Variants in ARID5B observed in about 807,000 individuals in gnomAD.
ARID5B encodes the protein AT-rich interactive domain-containing protein 5B.
A neutral mutation model predicts 97.2 loss-of-function variants in ARID5B; 13 were observed. The observed-to-expected ratio is 0.13, with a 90% CI of 0.09 to 0.21. The LOEUF (loss-of-function observed/expected upper bound fraction) is 0.21. ARID5B is among the 10% of genes least tolerant of loss of function. The probability of loss-of-function intolerance (pLI) is 1.00; values close to 1 mark genes in which losing one functional copy is unlikely to be tolerated. For synonymous variants in ARID5B, 556 were observed against 570.3 expected (o/e 0.97, Z 0.36); for missense variants, 1,210 against 1,465.3 (o/e 0.83, Z 2.84).
intron 8 of ARID5B, among the ~76,000 whole-genome samples, chr10:62,082,047 TCA>T (rs933319813): frequency 2.0e-5 from 3 of 152,106 alleles, no homozygotes; most frequent in African/African-American, 7.2e-5. Context: ...ATCTTGCTTT[TCA>T]CAGTGACTGA....
rs369700668 is a variant in ARID5B at position 62,029,258 on chromosome 10, G to A, written c.734-21630G>A. Among the ~76,000 whole-genome samples, 9 of 152,238 alleles carry A rather than the reference G, an allele frequency of 5.9e-5. No individual in the cohort carries two copies. In the South Asian group the frequency reaches 1.5e-3, roughly 25 times the overall value. On this transcript the variant is annotated intron_variant, in intron 4 of 9. Transcript: ENST00000279873. ...ACGTCATAGGGACTGCTCCAGTTCCGGGTATGCCATGCCTTCTCTTTATCT... is the reference window on the plus strand; with the variant it reads ...ACGTCATAGGGACTGCTCCAGTTCCAGGTATGCCATGCCTTCTCTTTATCT...
chr10:62,031,248 AATCTGATCTGGCATC>A (rs1284967376), intron 4 of ARID5B, among the ~76,000 whole-genome samples: 3 of 152,144 alleles, frequency 2.0e-5, no homozygotes, highest in African/African-American at 7.2e-5. Flanking sequence ...AAAGAGAGTA[AATCTGATCTGGCATC>A]TTTAGAGACC....
intron 4 of ARID5B, among the ~76,000 whole-genome samples, chr10:62,012,487 G>T (rs1264776523): frequency 2.6e-5 from 4 of 152,182 alleles, no homozygotes; most frequent in Admixed American, 2.6e-4. Context: ...TCACACCACT[G>T]CACTCCAGCC....
intron 3 of ARID5B, among the ~76,000 whole-genome samples, chr10:61,987,305 A>G (rs1002773336): frequency 1.3e-5 from 2 of 152,218 alleles, no homozygotes; most frequent in Non-Finnish European, 2.9e-5. Context: ...GTGAATAACC[A>G]GAAAAAGAAC....
intron 4 of ARID5B, among the ~76,000 whole-genome samples, chr10:62,042,545 C>T (rs1035296945): frequency 6.6e-6 from 1 of 152,160 alleles, no homozygotes; most frequent in Non-Finnish European, 1.5e-5. Context: ...TCCTAGATAG[C>T]ACCACCGCCA....
intron 2 of ARID5B, among the ~76,000 whole-genome samples, chr10:61,916,085 G>A (rs184473678): frequency 2.6e-5 from 4 of 152,254 alleles, no homozygotes; most frequent in East Asian, 1.9e-4. Flanking sequence ...ATAGGGTCTT[G>A]CTCTGTCACC....
chr10:61,962,402 C>CATCATCCATACTCCTCTCCTA (rs1323782561), intron 3 of ARID5B, among the ~76,000 whole-genome samples: 1 of 152,214 alleles, frequency 6.6e-6, no homozygotes, highest in Non-Finnish European at 1.5e-5. Context: ...GAAACAGCCT[C>CATCATCCATACTCCTCTCCTA]ATCATCCATA....
intron 3 of ARID5B, among the ~76,000 whole-genome samples, chr10:61,964,840 C>A (rs1430240652): frequency 5.3e-5 from 8 of 152,118 alleles, no homozygotes; most frequent in Non-Finnish European, 1.2e-4. Flanking sequence ...TTTCATTTTC[C>A]TAAATTTGAT....
intron 3 of ARID5B, among the ~76,000 whole-genome samples, chr10:61,947,940 G>A (rs1194212735): frequency 6.6e-6 from 1 of 152,228 alleles, no homozygotes; most frequent in African/African-American, 2.4e-5. Context: ...GGATTTTCTA[G>A]TGTTTCCTGC....
chr10:61,950,634 C>T (rs543041774), intron 3 of ARID5B, among the ~76,000 whole-genome samples: 52 of 152,318 alleles, frequency 3.4e-4, no homozygotes, highest in African/African-American at 1.1e-3. Flanking sequence ...GATACCACTA[C>T]ACTCCAGCCT....
At chr10:62,079,022 G>A (rs959972593) in intron 8 of ARID5B, among the ~76,000 whole-genome samples, 1 of 152,218 alleles carries the variant, frequency 6.6e-6, no homozygotes, top group African/African-American at 2.4e-5. Flanking sequence ...TGATGTAGGA[G>A]GTTGACCCTT....
chr10:61,930,795 C>A (rs1017212536), intron 2 of ARID5B, among the ~76,000 whole-genome samples: 10 of 151,972 alleles, frequency 6.6e-5, no homozygotes, highest in South Asian at 4.2e-4. Flanking sequence ...CAGTAGTGCA[C>A]CCCATTGTGT....
intron 5 of ARID5B, among the ~76,000 whole-genome samples, chr10:62,055,960 C>T (rs796994697): frequency 1.3e-5 from 2 of 152,216 alleles, no homozygotes; most frequent in African/African-American, 4.8e-5. Context: ...GTAACATTTC[C>T]CCAGCACTTG....
At chr10:61,943,200 G>T (rs1844442627) in intron 3 of ARID5B, among the ~76,000 whole-genome samples, 1 of 152,126 alleles carries the variant, frequency 6.6e-6, no homozygotes, top group Admixed American at 6.5e-5. Context: ...TTATATTGAG[G>T]AGATAGGGGG....
At chr10:62,032,447 G>A (rs773321078) in intron 4 of ARID5B, among the ~76,000 whole-genome samples, 3 of 152,198 alleles carry the variant, frequency 2.0e-5, no homozygotes, top group Non-Finnish European at 2.9e-5. Flanking sequence ...GGCCGGGTGT[G>A]GTGAGTCACG....
rs1271514044 is a variant in ARID5B, at chr10:62,091,471, C to T, written c.2008C>T (p.His670Tyr). ...CCTGACTGGGCCCATGAACGAGAAC[C>T]ATGGACTTAATTACACGCCCCTGCT... ...KDLTGPMNEN[H>Y]GLNYTPLLYS... The change falls in exon 10 of 10, where the codon CAT becomes TAT. Residue 670 changes from histidine to tyrosine, a missense_variant. By Grantham distance (83) the His-to-Tyr change is moderately conservative (BLOSUM62 2). This residue lies in a region of ARID5B where 800 missense variants were observed against 839.1 expected (regional missense o/e 0.95). Transcript: ENST00000279873. 18 of 1,612,218 alleles carry T rather than the reference C, an allele frequency of 1.1e-5. No homozygotes were observed. Among genetic ancestry groups the T allele is most frequent in the Non-Finnish European group, 1.4e-5 (17 of 1,179,154 alleles).
intron 8 of ARID5B, among the ~76,000 whole-genome samples, chr10:62,076,198 C>T (rs1351932416): frequency 7.5e-6 from 1 of 132,946 alleles, no homozygotes; most frequent in Non-Finnish European, 1.8e-5. Flanking sequence ...TTTATCTAAC[C>T]CATCACAAGA....
At chr10:62,058,620 G>A (rs1839885704) in intron 6 of ARID5B, among the ~76,000 whole-genome samples, 1 of 152,272 alleles carries the variant, frequency 6.6e-6, no homozygotes, top group Admixed American at 6.5e-5. Context: ...GGACTAAGTG[G>A]GTTCATGATT....
Position 61,902,165 on chromosome 10 carries a change from G to C in ARID5B, c.28G>C (p.Gly10Arg), listed in dbSNP as rs777591474. 6.2e-7 allele frequency: 1 copy of C among 1,612,142 alleles called. No individual in the cohort carries two copies. The highest frequency in any genetic ancestry group is 8.5e-7 in the Non-Finnish European group (1 of 1,179,790). Reference protein sequence around the residue: MEPNSLQWVGSPCGLHGPYI... With the variant: MEPNSLQWVRSPCGLHGPYI... ...TTTTTTTCCCCCCCTGCAGTGGGTCGGCTCACCGTGTGGCTTGCACGGACC... is the reference window on the plus strand; with the variant it reads ...TTTTTTTCCCCCCCTGCAGTGGGTCCGCTCACCGTGTGGCTTGCACGGACC... The change falls in exon 2 of 10, where the codon GGC (glycine) becomes CGC (arginine). Residue 10 changes from glycine (G) to arginine (R), a missense_variant. By Grantham distance (125) the Gly-to-Arg change is moderately radical (BLOSUM62 -2). Around this residue, in one of 8 missense-constraint regions of ARID5B, gnomAD observed 80 missense variants for 133.2 expected, o/e 0.60. Transcript: ENST00000279873.
Sources: allele counts gnomAD v4.1 joint callset (sites outside exome capture counted in the v4.1 genomes callset), GRCh38; gene constraint gnomAD v4.1.1; regional missense constraint gnomAD v4.1.1; transcripts MANE v1.5; gene names NCBI Gene and HGNC (gene_info 2026-07-23, HGNC 2026-07-21).